ZBTB20: variants seen among roughly 807,000 people sequenced by gnomAD.
ZBTB20 encodes zinc finger and BTB domain containing 20, also known as zinc finger and BTB domain-containing protein 20.
Under a neutral mutation model 56.9 loss-of-function variants are expected in ZBTB20, and 9 were observed. That is an observed-to-expected ratio of 0.16 (90% CI 0.10 to 0.28). The LOEUF (loss-of-function observed/expected upper bound fraction) is 0.28. Among genes scored for constraint, ZBTB20 ranks in the 10% least tolerant of loss-of-function variants. The pLI is 1.00. For synonymous variants in ZBTB20, 417 were observed against 420.7 expected, an observed-to-expected ratio of 0.99 and a Z score of 0.11; for missense variants, 655 against 1,003.0, an observed-to-expected ratio of 0.65 and a Z score of 4.69.
chr3:115,029,233 T>G (rs1044993746), intron 2 of ZBTB20, among the ~76,000 whole-genome samples: 7 of 150,712 alleles, frequency 4.6e-5, no homozygotes, highest in Non-Finnish European at 7.5e-5. Flanking sequence ...GTTAAAAAAT[T>G]TTGAATAAAT....
chr3:114,749,267 T>C (rs924021878), intron 5 of ZBTB20, among the ~76,000 whole-genome samples: 5 of 152,018 alleles, frequency 3.3e-5, no homozygotes, highest in African/African-American at 1.2e-4. Flanking sequence ...TTTAAAGAAA[T>C]TGGCAGCTGG....
chr3:115,065,415 T>G (rs1287266258), intron 2 of ZBTB20, among the ~76,000 whole-genome samples: 5 of 152,190 alleles, frequency 3.3e-5, no homozygotes, highest in Non-Finnish European at 1.5e-5. Flanking sequence ...TCCAGTCACA[T>G]GTATTCGGCT....
intron 6 of ZBTB20, among the ~76,000 whole-genome samples, chr3:114,540,198 T>C (rs1249283961): frequency 6.6e-6 from 1 of 151,972 alleles, no homozygotes; most frequent in Non-Finnish European, 1.5e-5. Flanking sequence ...GTTGCTGTGT[T>C]AGTTTGCAAA....
chr3:114,584,174 A>T lies in ZBTB20; in HGVS notation c.-294-83783T>A, dbSNP rs73224519. 4.9e-3 allele frequency among the ~76,000 whole-genome samples: 746 copies of T among 152,332 alleles called. 4 individuals carry two copies. The highest frequency in any genetic ancestry group is 7.8e-3 in the Non-Finnish European group (532 of 68,028). On this transcript the variant is annotated intron_variant, in intron 6 of 11. Coordinates refer to ENST00000675478, the MANE Select transcript of ZBTB20 (RefSeq NM_001348800.3). ...TCAAATAAGCAAATAAATAAATATT[A>T]AAAAGACATACACACACTGATAGCT...
At chr3:115,014,948 G>A (rs2079882764) in intron 2 of ZBTB20, among the ~76,000 whole-genome samples, 1 of 151,718 alleles carries the variant, frequency 6.6e-6, no homozygotes, top group African/African-American at 2.4e-5. Flanking sequence ...CTTTATAAAA[G>A]GCTAAGAAAA....
intron 6 of ZBTB20, among the ~76,000 whole-genome samples, chr3:114,648,009 A>G (rs982893251): frequency 5.3e-5 from 8 of 152,094 alleles, no homozygotes; most frequent in African/African-American, 1.9e-4. Flanking sequence ...CCTTTTAGAC[A>G]TTTTCCACAA....
chr3:114,434,352 G>A (rs984007743), intron 7 of ZBTB20, among the ~76,000 whole-genome samples: 5 of 152,082 alleles, frequency 3.3e-5, no homozygotes, highest in Admixed American at 3.3e-4. Context: ...TAGATGTGAC[G>A]ATGGAGTTCG....
Position 115,009,209 on chromosome 3 carries a change from T to C in ZBTB20, c.-506-34793A>G, listed in dbSNP as rs13083787. 3.6e-3 allele frequency among the ~76,000 whole-genome samples: 542 copies of C among 152,024 alleles called. 3 individuals carry two copies. Among genetic ancestry groups the C allele is most frequent in the African/African-American group, 0.012 (515 of 41,536 alleles). ...TTTTTGTTCTGTATTATTTTTACAG[T>C]TATGTCATCTCATTTGAATGTACAA... is the stretch of plus-strand genomic sequence containing the variant. On this transcript the variant is annotated intron_variant, in intron 2 of 11. Coordinates refer to ENST00000675478, the MANE Select transcript of ZBTB20 (RefSeq NM_001348800.3).
At chr3:114,614,382 G>C (rs1413853949) in intron 6 of ZBTB20, among the ~76,000 whole-genome samples, 1 of 152,120 alleles carries the variant, frequency 6.6e-6, no homozygotes, top group Non-Finnish European at 1.5e-5. Flanking sequence ...GAGGAGCACT[G>C]GAACAATGGA....
At chr3:115,020,105 G>A (rs1387519012) in intron 2 of ZBTB20, among the ~76,000 whole-genome samples, 1 of 150,992 alleles carries the variant, frequency 6.6e-6, no homozygotes, top group Non-Finnish European at 1.5e-5. Flanking sequence ...GCACAACTCT[G>A]CGTAGGATTA....
Position 114,328,236 on chromosome 3 carries a change from T to C in ZBTB20, c.*10769A>G, listed in dbSNP as rs904930959. 1 of 152,134 alleles carries C rather than the reference T, an allele frequency of 6.6e-6. No homozygotes were observed. The highest frequency in any genetic ancestry group is 6.6e-5 in the Admixed American group (1 of 15,254). The allele number at this position is 152,134 out of a possible 1,614,324, so 9.4% of individuals were successfully genotyped here. ...TCTAAACAAATCAATGATTTTTTTT[T>C]CAAAAAGGCAATAAATAAAAAAACT... On this transcript the variant is annotated 3_prime_UTR_variant, in exon 12 of 12. Coordinates refer to ENST00000675478, the MANE Select transcript of ZBTB20 (RefSeq NM_001348800.3).
intron 5 of ZBTB20, among the ~76,000 whole-genome samples, chr3:114,763,925 G>A (rs185206628): frequency 1.4e-4 from 21 of 152,220 alleles, no homozygotes; most frequent in Admixed American, 2.6e-4. Context: ...ATATCAAAGC[G>A]TAAGAAGTAA....
chr3:115,049,867 G>A (rs2081477650), intron 2 of ZBTB20, among the ~76,000 whole-genome samples: 1 of 152,094 alleles, frequency 6.6e-6, no homozygotes, highest in African/African-American at 2.4e-5. Flanking sequence ...TGCTAGAATA[G>A]TTAAAAATAG....
At chr3:115,056,507 A>C (rs372841665) in intron 2 of ZBTB20, among the ~76,000 whole-genome samples, 4 of 152,270 alleles carry the variant, frequency 2.6e-5, no homozygotes, top group African/African-American at 9.6e-5. Flanking sequence ...GATACACATA[A>C]ATACTTGAAA....
intron 6 of ZBTB20, among the ~76,000 whole-genome samples, chr3:114,605,456 G>A (rs2057071716): frequency 6.6e-6 from 1 of 152,152 alleles, no homozygotes; most frequent in African/African-American, 2.4e-5. Context: ...TTTAAAACAT[G>A]GAGGTAGGTA....
chr3:115,064,288 CG>C (rs2082121683), intron 2 of ZBTB20, among the ~76,000 whole-genome samples: 1 of 152,000 alleles, frequency 6.6e-6, no homozygotes, highest in African/African-American at 2.4e-5. Context: ...CTCACTTGGA[CG>C]TAGCATACCC....
chr3:114,518,513 C>T (rs949282980), intron 6 of ZBTB20: 1 of 152,144 alleles, frequency 6.6e-6, no homozygotes, highest in African/African-American at 2.4e-5. Context: ...TCTTGGCCCT[C>T]AGTTGGCTTG....
At chr3:115,145,209 T>G (rs543574669) in intron 1 of ZBTB20, among the ~76,000 whole-genome samples, 37 of 152,344 alleles carry the variant, frequency 2.4e-4, no homozygotes, top group Non-Finnish European at 4.7e-4. Context: ...CTTTGATATA[T>G]TCTAAGAATC....
intron 1 of ZBTB20, among the ~76,000 whole-genome samples, 155 bp downstream of exon 1, chr3:115,147,064 G>T (rs1312749465): frequency 6.7e-6 from 1 of 148,940 alleles, no homozygotes; most frequent in Non-Finnish European, 1.5e-5. Flanking sequence ...TCGCCGCTCT[G>T]TAACTCGCTC....
Sources: allele counts gnomAD v4.1 joint callset (sites outside exome capture counted in the v4.1 genomes callset), GRCh38; gene constraint gnomAD v4.1.1; transcripts MANE v1.5; gene names NCBI Gene and HGNC (gene_info 2026-07-23, HGNC 2026-07-21).